The following P4HA1 variants were observed in gnomAD, a reference collection of about 807,000 sequenced individuals.
P4HA1 encodes prolyl 4-hydroxylase subunit alpha-1.
Under a neutral mutation model 72.8 loss-of-function variants are expected in P4HA1, and 24 were observed. The ratio of observed to expected loss-of-function variants is 0.33; its 90% CI spans 0.24 to 0.46. P4HA1 has a LOEUF of 0.46. Among genes scored for constraint, P4HA1 ranks in the 20% least tolerant of loss-of-function variants. The pLI, the probability that P4HA1 is intolerant of heterozygous loss-of-function variation, is 1.00. For synonymous variants in P4HA1, 201 were observed against 218.8 expected (o/e 0.92, Z 0.72); for missense variants, 446 against 640.6 (o/e 0.70, Z 3.28).
At chr10:73,016,929 AAG>A in intron 10 of P4HA1, 30 bp from the exon 11 acceptor site, 1 of 1,560,922 alleles carries the variant, frequency 6.4e-7, no homozygotes, top group Non-Finnish European at 8.8e-7. Flanking sequence ...CATGAAAGAA[AAG>A]AACTATAAAG....
In P4HA1 at chr10:73,030,197, T is replaced by C. The variant is rs1163960354; in HGVS notation, c.1248+74A>G. The C allele has an allele frequency of 7.7e-6, 5 of 647,318 alleles. No individual in the cohort carries two copies. In the African/African-American group the frequency reaches 9.0e-5, roughly 12 times the overall value. 40.1% of individuals were successfully genotyped at this position (647,318 alleles called of 1,614,324 possible). A position where few individuals can be genotyped will look rare whatever the true frequency, so the allele number is the denominator to read the frequency against. ...TATCATGCAAATTGAGGACTGCCTG[T>C]TCAGTGTCAGGAAATCTCCTCTCAA... On this transcript the variant is annotated intron_variant, in intron 10 of 14. Coordinates refer to ENST00000394890, the MANE Select transcript of P4HA1 (RefSeq NM_001017962.3).
intron 4 of P4HA1, 81 bp downstream of exon 4, chr10:73,071,948 G>T: frequency 8.5e-7 from 1 of 1,178,428 alleles, no homozygotes; most frequent in Non-Finnish European, 1.2e-6. Flanking sequence ...CTGGTTTCCT[G>T]GGAACTGAAT....
At chr10:73,017,565 C>A (rs1435599919) in intron 10 of P4HA1, among the ~76,000 whole-genome samples, 1 of 150,854 alleles carries the variant, frequency 6.6e-6, no homozygotes, top group Non-Finnish European at 1.5e-5. Flanking sequence ...GAACTTAAAT[C>A]AAAAAATGTT....
intron 9 of P4HA1, among the ~76,000 whole-genome samples, chr10:73,043,148 TAAAC>T (rs1480950544): frequency 6.6e-6 from 1 of 152,200 alleles, no homozygotes; most frequent in Non-Finnish European, 1.5e-5. Context: ...ATAACATGAC[TAAAC>T]AATCATTATC....
intron 9 of P4HA1, among the ~76,000 whole-genome samples, chr10:73,037,673 G>T (rs1476624907): frequency 2.1e-5 from 3 of 146,036 alleles, no homozygotes; most frequent in African/African-American, 7.6e-5. Flanking sequence ...GGTGCTTGAT[G>T]GTTAACAAAG....
At chr10:73,019,571 T>C (rs1378833306) in intron 10 of P4HA1, among the ~76,000 whole-genome samples, 1 of 150,208 alleles carries the variant, frequency 6.7e-6, no homozygotes, top group East Asian at 2.0e-4. Context: ...AAGAAAGATA[T>C]CATAAAAAAG....
chr10:73,083,672 T>C (rs554918587), intron 1 of P4HA1, among the ~76,000 whole-genome samples: 9 of 152,300 alleles, frequency 5.9e-5, no homozygotes, highest in African/African-American at 1.7e-4. Context: ...CTATTCTACC[T>C]TTAATTCATC....
chr10:73,045,710 A>C (rs1333257423), intron 8 of P4HA1, among the ~76,000 whole-genome samples: 1 of 152,054 alleles, frequency 6.6e-6, no homozygotes, highest in Non-Finnish European at 1.5e-5. Flanking sequence ...GAGAGCATGA[A>C]ATTTTATTGC....
chr10:73,011,721 C>T (rs1431698761), intron 12 of P4HA1, among the ~76,000 whole-genome samples: 1 of 152,052 alleles, frequency 6.6e-6, no homozygotes, highest in African/African-American at 2.4e-5. Context: ...AATGTATAGA[C>T]TGATTAGATC....
At chr10:73,052,428 C>T (rs1361711969) in intron 6 of P4HA1, among the ~76,000 whole-genome samples, 2 of 152,106 alleles carry the variant, frequency 1.3e-5, no homozygotes, top group African/African-American at 4.8e-5. Context: ...TAAAAGGAAA[C>T]AAATGTGTAG....
At chr10:73,008,383 T>A in intron 14 of P4HA1, 91 bp from the exon 15 acceptor site, 1 of 821,808 alleles carries the variant, frequency 1.2e-6, no homozygotes, top group Non-Finnish European at 2.0e-6. Flanking sequence ...CAAAGTTTCA[T>A]CATGGGATAA....
At chr10:73,043,211 G>A (rs1007683846) in intron 9 of P4HA1, among the ~76,000 whole-genome samples, 26 of 152,228 alleles carry the variant, frequency 1.7e-4, no homozygotes, top group African/African-American at 6.3e-4. Flanking sequence ...TGAGATGGAT[G>A]GGGCTTATGT....
chr10:73,063,291 C>A (rs1330979610), intron 5 of P4HA1, among the ~76,000 whole-genome samples: 1 of 152,196 alleles, frequency 6.6e-6, no homozygotes, highest in Non-Finnish European at 1.5e-5. Flanking sequence ...GTTGCTGCAT[C>A]CTCCAGAGGG....
intron 1 of P4HA1, among the ~76,000 whole-genome samples, chr10:73,084,070 T>C (rs1029913641): frequency 6.6e-6 from 1 of 152,244 alleles, no homozygotes; most frequent in African/African-American, 2.4e-5. Context: ...GCTGGCATAA[T>C]ACCACCATCA....
intron 1 of P4HA1, among the ~76,000 whole-genome samples, chr10:73,094,351 C>G (rs1473197589): frequency 6.6e-6 from 1 of 152,130 alleles, no homozygotes; most frequent in Non-Finnish European, 1.5e-5. Flanking sequence ...CTTCACATCT[C>G]TTACTTTTTA....
chr10:73,062,808 G>T (rs769105043), intron 5 of P4HA1, among the ~76,000 whole-genome samples: 2 of 152,182 alleles, frequency 1.3e-5, no homozygotes, highest in South Asian at 4.1e-4. Flanking sequence ...GGCACGTTTT[G>T]CTAGTGATCA....
intron 3 of P4HA1, among the ~76,000 whole-genome samples, chr10:73,072,897 C>T (rs1013445556): frequency 1.3e-5 from 2 of 152,036 alleles, no homozygotes; most frequent in Non-Finnish European, 2.9e-5. Context: ...AGGCTGGGTG[C>T]GGTGGCTCAC....
chr10:73,059,771 TAAAATAA>T (rs1160050815), intron 5 of P4HA1, among the ~76,000 whole-genome samples: 2 of 147,924 alleles, frequency 1.4e-5, no homozygotes, highest in African/African-American at 2.5e-5. Flanking sequence ...TAAAAATAAA[TAAAATAA>T]AAAATAAAAA....
Position 73,059,423 on chromosome 10 carries a change from T to TAAAAA in P4HA1, c.464-5834_464-5833insTTTTT, listed in dbSNP as rs1564631461. Among the ~76,000 whole-genome samples, 8 of 47,584 alleles carry TAAAAA rather than the reference T, an allele frequency of 1.7e-4. 2 individuals carry two copies. Among genetic ancestry groups the TAAAAA allele is most frequent in the African/African-American group, 5.4e-4 (6 of 11,104 alleles). The allele number at this position is 47,584 out of a possible 152,430, so 31.2% of individuals were successfully genotyped here. A position where few individuals can be genotyped will look rare whatever the true frequency, so the allele number is the denominator to read the frequency against. On this transcript the variant is annotated intron_variant, in intron 5 of 14. Coordinates refer to ENST00000394890, the MANE Select transcript of P4HA1 (RefSeq NM_001017962.3). ...CGGGCAAAATAATGAGACAATATAT[T>TAAAAA]TAAAAAAAAAAAAAAAAAAAAAAAA...
Sources: allele counts gnomAD v4.1 joint callset (sites outside exome capture counted in the v4.1 genomes callset), GRCh38; gene constraint gnomAD v4.1.1; transcripts MANE v1.5; gene names NCBI Gene and HGNC (gene_info 2026-07-23, HGNC 2026-07-21).